The following PHKA1 variants were observed in gnomAD, a reference collection of about 807,000 sequenced individuals.
The protein encoded by PHKA1 is phosphorylase b kinase regulatory subunit alpha, skeletal muscle isoform.
In PHKA1, 60 loss-of-function variants were observed where a neutral mutation model predicts 110.2. That is an observed-to-expected ratio of 0.54 (90% CI 0.44 to 0.68). The LOEUF (loss-of-function observed/expected upper bound fraction) is 0.68. Ranked by LOEUF, PHKA1 falls within the 30% of genes least tolerant of loss-of-function variation. The pLI, the probability that PHKA1 is intolerant of heterozygous loss-of-function variation, is 0.00. For missense variants in PHKA1, 801 were observed against 942.5 expected (o/e 0.85, Z 1.97); for synonymous variants, 316 against 333.6 (o/e 0.95, Z 0.58).
In PHKA1 at chrX:72,648,295, G is replaced by T. The variant is rs781798565; in HGVS notation, c.1324+2095C>A. On this transcript the variant is annotated intron_variant, in intron 13 of 31. Coordinates refer to ENST00000373542, the MANE Select transcript of PHKA1 (RefSeq NM_002637.4). ...ATAGGAGAAGAAACCCTTTTCCTGA[G>T]ATTGCAGAAAATGAGGCAAGGATAG... is the stretch of plus-strand genomic sequence containing the variant. Among the ~76,000 whole-genome samples, 62 of 111,590 alleles carry T rather than the reference G, an allele frequency of 5.6e-4. 1 individual carries two copies. The highest frequency in any genetic ancestry group is 1.0e-3 in the Non-Finnish European group (54 of 53,101).
At chrX:72,660,172 T>G (rs1176345645) in intron 8 of PHKA1, among the ~76,000 whole-genome samples, 7 of 112,037 alleles carry the variant, frequency 6.2e-5, no homozygotes, top group Non-Finnish European at 1.3e-4. Context: ...CCTGGTTGAT[T>G]CTTTAAATTT....
chrX:72,683,760 A>C (rs1481342536), intron 5 of PHKA1, among the ~76,000 whole-genome samples: 1 of 112,255 alleles, frequency 8.9e-6, no homozygotes, highest in Non-Finnish European at 1.9e-5. Context: ...CACTAAGCAT[A>C]ATGCCTTTGA....
At chrX:72,675,206 T>TAAATA (rs1556311151) in intron 6 of PHKA1, among the ~76,000 whole-genome samples, 3 of 104,129 alleles carry the variant, frequency 2.9e-5, no homozygotes, top group African/African-American at 1.0e-4. Context: ...ATAATAATAA[T>TAAATA]AATAAATAAA....
Position 72,618,726 on chromosome X carries a change from T to C in PHKA1, c.2353A>G (p.Met785Val). ...SLQEQADILY[M>V]LYTMKGPDWN... The stretch of plus-strand genomic sequence containing the variant: ...ACCACTTACTTCATAGTATACAGCA[T>C]ATAGAGGATATCAGCTTGTTCCTGT... The change falls in exon 21 of 32, where the codon ATG (methionine) becomes GTG (valine). Residue 785 changes from methionine to valine, a missense_variant. By Grantham distance (21) the Met-to-Val change is conservative (BLOSUM62 1). Coordinates refer to ENST00000373542, the MANE Select transcript of PHKA1 (RefSeq NM_002637.4). 10 of 1,195,979 alleles carry C rather than the reference T, an allele frequency of 8.4e-6. No homozygotes were observed. The highest frequency in any genetic ancestry group is 1.1e-5 in the Non-Finnish European group (10 of 881,255).
intron 22 of PHKA1, among the ~76,000 whole-genome samples, chrX:72,610,495 C>A (rs2052792915): frequency 8.9e-6 from 1 of 111,878 alleles, no homozygotes; most frequent in Non-Finnish European, 1.9e-5. Context: ...TGTATATATA[C>A]CACATTTTCT....
At chrX:72,658,698 G>T (rs1157274785) in intron 8 of PHKA1, among the ~76,000 whole-genome samples, 2 of 111,124 alleles carry the variant, frequency 1.8e-5, no homozygotes, top group Non-Finnish European at 3.8e-5. Flanking sequence ...AATGCCCCTC[G>T]ATTTGGTTTT....
chrX:72,650,268 C>T, intron 13 of PHKA1, 122 bp downstream of exon 13: 2 of 548,560 alleles, frequency 3.6e-6, no homozygotes, highest in South Asian at 5.4e-5. Flanking sequence ...TCATTGTATA[C>T]ATTTTGAAGC....
intron 14 of PHKA1, 114 bp from the exon 15 acceptor site, chrX:72,636,500 GAC>G (rs1556291947): frequency 6.5e-5 from 33 of 504,115 alleles, no homozygotes; most frequent in Non-Finnish European, 6.9e-5. Context: ...TATACATATA[GAC>G]ACACACACAC....
rs1256583613 is a variant in PHKA1, at chrX:72,579,362, G to A, written c.*1640C>T. The A allele has an allele frequency of 9.0e-6, 1 of 111,558 alleles. No homozygotes were observed. Among genetic ancestry groups the A allele is most frequent in the Non-Finnish European group, 1.9e-5 (1 of 53,148 alleles). 9.2% of individuals were successfully genotyped at this position (111,558 alleles called of 1,213,427 possible). A position where few individuals can be genotyped will look rare whatever the true frequency, so the allele number is the denominator to read the frequency against. On this transcript the variant is annotated 3_prime_UTR_variant, in exon 32 of 32. Coordinates refer to ENST00000373542, the MANE Select transcript of PHKA1 (RefSeq NM_002637.4). ...CATAAGATTGTCACTGGTTCTGCAAGAATTGTTCAGAGAGTCTCTCATCCC... is the reference window on the plus strand; with the variant it reads ...CATAAGATTGTCACTGGTTCTGCAAAAATTGTTCAGAGAGTCTCTCATCCC...
At chrX:72,710,489 A>G (rs782222920) in intron 2 of PHKA1, among the ~76,000 whole-genome samples, 1 of 112,178 alleles carries the variant, frequency 8.9e-6, no homozygotes, top group Non-Finnish European at 1.9e-5. Flanking sequence ...ACCACATGTG[A>G]CCTACAACCC....
chrX:72,653,378 A>C, intron 11 of PHKA1, 57 bp downstream of exon 11: 13 of 755,438 alleles, frequency 1.7e-5, no homozygotes, highest in Non-Finnish European at 2.7e-5. Flanking sequence ...AGGTAGTCTG[A>C]TCAAGGTACT....
At chrX:72,638,418 CTGTTT>C (rs1290835524) in intron 14 of PHKA1, among the ~76,000 whole-genome samples, 1 of 104,587 alleles carries the variant, frequency 9.6e-6, no homozygotes, top group Non-Finnish European at 2.0e-5. Flanking sequence ...GTCTGGGTGT[CTGTTT>C]TATTTTTTTC....
At chrX:72,607,263 G>A (rs1569428190) in intron 23 of PHKA1, among the ~76,000 whole-genome samples, 1 of 111,559 alleles carries the variant, frequency 9.0e-6, no homozygotes, top group African/African-American at 3.3e-5. Context: ...GGATCATATG[G>A]CAGCTCTATT....
At chrX:72,691,239 C>T (rs782686592) in intron 4 of PHKA1, among the ~76,000 whole-genome samples, 3 of 112,747 alleles carry the variant, frequency 2.7e-5, no homozygotes, top group African/African-American at 6.4e-5. Flanking sequence ...TTATTTCTAA[C>T]CTCTCAATTC....
At chrX:72,609,185 G>A (rs1485392336) in intron 23 of PHKA1, among the ~76,000 whole-genome samples, 2 of 111,684 alleles carry the variant, frequency 1.8e-5, no homozygotes, top group Admixed American at 9.5e-5. Flanking sequence ...CTGATTACAG[G>A]GTTCCTGGAG....
intron 3 of PHKA1, among the ~76,000 whole-genome samples, chrX:72,700,617 A>G (rs1479263046): frequency 8.9e-6 from 1 of 112,006 alleles, no homozygotes; most frequent in Non-Finnish European, 1.9e-5. Flanking sequence ...CAGAGGTAAC[A>G]AATTTCTTTG....
chrX:72,664,179 C>A (rs1556305496), intron 8 of PHKA1, among the ~76,000 whole-genome samples: 1 of 110,794 alleles, frequency 9.0e-6, no homozygotes, highest in African/African-American at 3.3e-5. Context: ...ATGATACCTA[C>A]AAGAAAGTCA....
chrX:72,705,365 T>C (rs1556331981), intron 2 of PHKA1, 120 bp from the exon 3 acceptor site: 21 of 498,896 alleles, frequency 4.2e-5, no homozygotes, highest in Middle Eastern at 3.7e-4. Context: ...TGTGTTCCTA[T>C]TTACATGACA....
At chrX:72,710,983 T>C (rs2054370733) in intron 2 of PHKA1, among the ~76,000 whole-genome samples, 1 of 106,956 alleles carries the variant, frequency 9.3e-6, no homozygotes, top group Non-Finnish European at 1.9e-5. Flanking sequence ...TGCCTCAGCC[T>C]CCCGAGTAGC....
Sources: gnomAD v4.1 joint callset for allele counts (sites outside exome capture counted in the v4.1 genomes callset) on GRCh38, gnomAD v4.1.1 for gene constraint, MANE v1.5 for transcripts, NCBI Gene and HGNC (gene_info 2026-07-23, HGNC 2026-07-21) for gene names.